The following FRMPD4 variants were observed in gnomAD, a reference collection of about 807,000 sequenced individuals.
The protein encoded by FRMPD4 is FERM and PDZ domain-containing protein 4.
Under a neutral mutation model 94.1 loss-of-function variants are expected in FRMPD4, and 22 were observed. The observed-to-expected ratio is 0.23, with a 90% CI of 0.17 to 0.33. The LOEUF is 0.33. FRMPD4 is among the 10% of genes least tolerant of loss of function. The pLI is 1.00. For synonymous variants in FRMPD4, 631 were observed against 548.6 expected (o/e 1.15, Z -2.10); for missense variants, 1,111 against 1,339.9 (o/e 0.83, Z 2.67).
chrX:12,307,274 G>T lies in FRMPD4; in HGVS notation c.41+168262G>T, dbSNP rs1314639486. Among the ~76,000 whole-genome samples the T allele has an allele frequency of 3.6e-5, 4 of 112,244 alleles. No individual in the cohort carries two copies. In the Admixed American group the frequency reaches 3.8e-4, roughly 11 times the overall value. The stretch of plus-strand genomic sequence containing the variant: ...CAAGAAGAAACAATGATAGGGAAGA[G>T]ACTAGATGTCAGAGACTAATAAAAG... On this transcript the variant is annotated intron_variant, in intron 1 of 16. Transcript: ENST00000675598.
At chrX:12,669,120 T>A (rs1443055308) in intron 4 of FRMPD4, among the ~76,000 whole-genome samples, 2 of 111,577 alleles carry the variant, frequency 1.8e-5, no homozygotes, top group Non-Finnish European at 3.8e-5. Flanking sequence ...TTATGTTACA[T>A]GAGATTGTAG....
In FRMPD4 at chrX:12,718,030, GTCT is replaced by G. The variant is rs1475759929; in HGVS notation, c.3207_3209del (p.Ser1070del). On this transcript the variant is annotated inframe_deletion, in exon 16 of 17. Coordinates refer to ENST00000675598, the MANE Select transcript of FRMPD4 (RefSeq NM_001368397.1). ...AGGCCAGTGGTAAATTTGGTACTGT[GTCT>G]TCACGAGACAGTCAACACCTGAGCA... The G allele has an allele frequency of 8.3e-7, 1 of 1,211,577 alleles. No homozygotes were observed.
intron 5 of FRMPD4, among the ~76,000 whole-genome samples, chrX:12,679,767 G>A (rs2059947527): frequency 8.9e-6 from 1 of 112,032 alleles, no homozygotes; most frequent in Non-Finnish European, 1.9e-5. Context: ...GGTCTACCTT[G>A]TTTCCCAGAG....
intron 3 of FRMPD4, among the ~76,000 whole-genome samples, chrX:11,996,589 A>G (rs1013699945): frequency 2.0e-4 from 22 of 112,509 alleles, no homozygotes; most frequent in Non-Finnish European, 2.1e-4. Context: ...TTCCTTTGTG[A>G]AATCATTTGC....
intron 2 of FRMPD4, among the ~76,000 whole-genome samples, chrX:12,604,210 G>A (rs761014304): frequency 7.2e-5 from 8 of 110,574 alleles, no homozygotes; most frequent in African/African-American, 6.6e-5. Flanking sequence ...TTGAAAGGAC[G>A]TATGCCTGTA....
intron 1 of FRMPD4, among the ~76,000 whole-genome samples, chrX:12,405,777 C>G (rs2056659429): frequency 9.0e-6 from 1 of 111,419 alleles, no homozygotes; most frequent in Non-Finnish European, 1.9e-5. Flanking sequence ...TTTTAAGGAA[C>G]TGAAGATAAA....
rs189349229 is a variant in FRMPD4, at chrX:12,147,896, C to T, written c.41+8884C>T. Among the ~76,000 whole-genome samples, 6 of 111,815 alleles carry T rather than the reference C, an allele frequency of 5.4e-5. No individual in the cohort carries two copies. In the East Asian group the frequency reaches 1.7e-3, roughly 31 times the overall value. ...TTACTATTGGAATTGTTTGATGTTA[C>T]TATTGCAATTGTTTTGGGCTGTCAT... On this transcript the variant is annotated intron_variant, in intron 1 of 16. Transcript: ENST00000675598.
chrX:12,551,759 T>C (rs150646121), intron 2 of FRMPD4, among the ~76,000 whole-genome samples: 2,239 of 110,943 alleles, frequency 0.02, 48 homozygotes, highest in African/African-American at 0.067. Context: ...GGGAGAATAT[T>C]TCATTGGTGG....
intron 2 of FRMPD4, among the ~76,000 whole-genome samples, chrX:12,500,315 T>TA (rs201467328): frequency 0.015 from 1,659 of 111,927 alleles, 29 homozygotes; most frequent in African/African-American, 0.052. Flanking sequence ...GTCATTTTTA[T>TA]AAAAAATATC....
intron 1 of FRMPD4, among the ~76,000 whole-genome samples, chrX:12,328,746 C>T (rs906382578): frequency 9.0e-6 from 1 of 111,690 alleles, no homozygotes; most frequent in Non-Finnish European, 1.9e-5. Flanking sequence ...GCCATGAAAT[C>T]TAGAGTCAGG....
intron 4 of FRMPD4, among the ~76,000 whole-genome samples, chrX:12,629,823 G>C (rs1385476270): frequency 1.8e-5 from 2 of 112,326 alleles, no homozygotes; most frequent in Non-Finnish European, 3.8e-5. Context: ...TTAGGTCACT[G>C]TGTCAGATGC....
intron 3 of FRMPD4, among the ~76,000 whole-genome samples, chrX:11,898,239 G>A (rs1032471575): frequency 1.4e-4 from 16 of 111,082 alleles, no homozygotes; most frequent in African/African-American, 4.6e-4. Context: ...GTGCCCTGGC[G>A]GTTTTAAGCA....
chrX:12,716,001 T>TGGGCCCC, intron 14 of FRMPD4, 68 bp from the exon 15 acceptor site: 34 of 231,594 alleles, frequency 1.5e-4, no homozygotes, highest in East Asian at 4.2e-4. Context: ...GAGACGAGCC[T>TGGGCCCC]CCCACCCCCG....
intron 14 of FRMPD4, 59 bp from the exon 15 acceptor site, chrX:12,716,010 C>CCCCCCCCCA: frequency 8.9e-6 from 3 of 336,941 alleles, no homozygotes; most frequent in Non-Finnish European, 1.6e-5. Flanking sequence ...CTCCCACCCC[C>CCCCCCCCCA]GCCCCACCCA....
chrX:12,298,967 G>A (rs759599476), intron 1 of FRMPD4, among the ~76,000 whole-genome samples: 10 of 111,658 alleles, frequency 9.0e-5, no homozygotes, highest in Non-Finnish European at 1.7e-4. Flanking sequence ...AGAAAAATAA[G>A]CATGACCTTC....
chrX:12,560,991 G>A (rs1182422585), intron 2 of FRMPD4, among the ~76,000 whole-genome samples: 3 of 105,654 alleles, frequency 2.8e-5, no homozygotes, highest in South Asian at 4.3e-4. Context: ...GGATGGTCTC[G>A]ATCTCCTGAC....
At chrX:12,535,813 G>A (rs1486001333) in intron 2 of FRMPD4, among the ~76,000 whole-genome samples, 1 of 111,328 alleles carries the variant, frequency 9.0e-6, no homozygotes, top group African/African-American at 3.3e-5. Context: ...AGCCCACAAA[G>A]CCCAAAGTAT....
At chrX:12,420,901 G>A (rs2056874640) in intron 1 of FRMPD4, among the ~76,000 whole-genome samples, 1 of 112,215 alleles carries the variant, frequency 8.9e-6, no homozygotes, top group South Asian at 3.7e-4. Context: ...TTTGTCGAAT[G>A]AGGAAATTCG....
chrX:12,580,458 C>T (rs759528332), intron 2 of FRMPD4, among the ~76,000 whole-genome samples: 1 of 111,823 alleles, frequency 8.9e-6, no homozygotes, highest in Non-Finnish European at 1.9e-5. Context: ...TTTTCCTATA[C>T]CCATGATAAA....
Sources: gnomAD v4.1 joint callset for allele counts (sites outside exome capture counted in the v4.1 genomes callset) on GRCh38, gnomAD v4.1.1 for gene constraint, MANE v1.5 for transcripts, NCBI Gene and HGNC (gene_info 2026-07-23, HGNC 2026-07-21) for gene names.